Variants in AGBL1 observed in about 807,000 individuals in gnomAD.
The protein encoded by AGBL1 is cytosolic carboxypeptidase 4.
In AGBL1, 130 loss-of-function variants were observed where a neutral mutation model predicts 118.9. That is an observed-to-expected ratio of 1.09 (90% CI 0.95 to 1.26). The LOEUF (loss-of-function observed/expected upper bound fraction) is 1.26. AGBL1 is among the 50% of genes most tolerant of loss of function. The pLI is 0.00. For missense variants in AGBL1, 1,584 were observed against 1,298.1 expected, an observed-to-expected ratio of 1.22 and a Z score of -3.38; for synonymous variants, 555 against 478.9, an observed-to-expected ratio of 1.16 and a Z score of -2.08.
rs57241299 is a variant in AGBL1 at position 86,956,217 on chromosome 15, TTAGATAGATAGA to T, written c.3222-31736_3222-31725del. ...TATAGATAGGTAGATAGATGATTGATTAGATAGATAGATAGATAGATAGATAGATAGATAGAT... is the reference window on the plus strand; with the variant it reads ...TATAGATAGGTAGATAGATGATTGATTAGATAGATAGATAGATAGATAGAT... On this transcript the variant is annotated intron_variant, in intron 23 of 24. Transcript: ENST00000441037. Among the ~76,000 whole-genome samples the T allele has an allele frequency of 6.9e-3, 1,024 of 147,702 alleles. 6 individuals are homozygous for T. Among genetic ancestry groups the T allele is most frequent in the African/African-American group, 0.021 (850 of 39,986 alleles).
At chr15:86,774,952 C>A (rs1350773993) in intron 22 of AGBL1, among the ~76,000 whole-genome samples, 1 of 152,056 alleles carries the variant, frequency 6.6e-6, no homozygotes, top group Non-Finnish European at 1.5e-5. Context: ...AAAGTTTTAA[C>A]TGGAAAGGAA....
At chr15:86,586,513 A>G (rs1362359774) in intron 21 of AGBL1, among the ~76,000 whole-genome samples, 1 of 152,152 alleles carries the variant, frequency 6.6e-6, no homozygotes, top group African/African-American at 2.4e-5. Context: ...GAGCGTAATG[A>G]TGGCAGAAAA....
intron 23 of AGBL1, among the ~76,000 whole-genome samples, chr15:86,945,365 T>C (rs1026396650): frequency 1.3e-5 from 2 of 150,970 alleles, no homozygotes; most frequent in African/African-American, 2.4e-5. Flanking sequence ...TGGGTGGTAG[T>C]AGAAAAGATA....
chr15:86,421,510 G>A (rs1489327356), intron 18 of AGBL1, among the ~76,000 whole-genome samples: 3 of 152,092 alleles, frequency 2.0e-5, no homozygotes, highest in Admixed American at 2.0e-4. Flanking sequence ...ATACCAAAAG[G>A]TAAAGAACAT....
At chr15:86,333,675 C>T (rs907251355) in intron 17 of AGBL1, among the ~76,000 whole-genome samples, 1 of 152,126 alleles carries the variant, frequency 6.6e-6, no homozygotes, top group African/African-American at 2.4e-5. Flanking sequence ...TCCTTCCTAA[C>T]TTATTCTATG....
At chr15:86,653,979 T>C (rs1307046404) in intron 21 of AGBL1, among the ~76,000 whole-genome samples, 1 of 152,144 alleles carries the variant, frequency 6.6e-6, no homozygotes, top group African/African-American at 2.4e-5. Flanking sequence ...ATGTGAGTAG[T>C]TTGATAAAAA....
intron 5 of AGBL1, among the ~76,000 whole-genome samples, chr15:86,198,165 G>A (rs750232942): frequency 4.6e-5 from 7 of 152,182 alleles, no homozygotes; most frequent in Non-Finnish European, 2.9e-5. Context: ...GAACATGCTT[G>A]GGACTTGTCA....
chr15:86,174,969 T>C (rs1296548558), intron 5 of AGBL1, among the ~76,000 whole-genome samples: 1 of 152,154 alleles, frequency 6.6e-6, no homozygotes, highest in Non-Finnish European at 1.5e-5. Flanking sequence ...AGGTTTCTTT[T>C]TTTGTTGTAT....
intron 22 of AGBL1, among the ~76,000 whole-genome samples, chr15:86,806,435 C>T (rs138580931): frequency 1.3e-5 from 2 of 152,208 alleles, no homozygotes; most frequent in East Asian, 1.9e-4. Flanking sequence ...ACAGTTAATG[C>T]CATATGAAAT....
chr15:86,755,676 C>A (rs1164679676), intron 22 of AGBL1, among the ~76,000 whole-genome samples: 5 of 152,114 alleles, frequency 3.3e-5, no homozygotes, highest in Admixed American at 6.6e-5. Context: ...TCCTGTGCCT[C>A]TGTTCCTTCA....
chr15:86,289,013 T>G (rs2079501781), intron 16 of AGBL1, among the ~76,000 whole-genome samples: 1 of 152,180 alleles, frequency 6.6e-6, no homozygotes, highest in Non-Finnish European at 1.5e-5. Flanking sequence ...TGCTTTAATT[T>G]ATGTTTGCTT....
chr15:86,168,746 G>A (rs1293555177), intron 5 of AGBL1, among the ~76,000 whole-genome samples: 1 of 152,130 alleles, frequency 6.6e-6, no homozygotes, highest in East Asian at 1.9e-4. Context: ...AGCAGCATAT[G>A]AATGTCCATT....
Position 86,522,803 on chromosome 15 carries a change from C to T in AGBL1, c.2556-7C>T, listed in dbSNP as rs374110738. The T allele has an allele frequency of 1.2e-5, 20 of 1,613,130 alleles. No individual in the cohort carries two copies. The East Asian group carries it at 2.2e-4, about 18-fold the overall frequency. On this transcript the variant is annotated splice_region_variant and splice_polypyrimidine_tract_variant and intron_variant, in intron 18 of 22. Coordinates refer to ENST00000614907, the MANE Select transcript of AGBL1 (RefSeq NM_001386094.1). ...TGTATTTATTTGCTTATTATTTGTT[C>T]CTGTAGCCACAGATGCTCACTGAGC...
chr15:86,566,081 G>C (rs1039263338), intron 21 of AGBL1, among the ~76,000 whole-genome samples: 2 of 149,162 alleles, frequency 1.3e-5, no homozygotes, highest in African/African-American at 5.0e-5. Context: ...CACTTCCCAG[G>C]TGAGGTGATG....
chr15:86,722,588 T>C (rs1419388734), intron 22 of AGBL1, among the ~76,000 whole-genome samples: 1 of 152,180 alleles, frequency 6.6e-6, no homozygotes, highest in African/African-American at 2.4e-5. Flanking sequence ...ATTCAGGACA[T>C]AGGCATGGGC....
intron 23 of AGBL1, among the ~76,000 whole-genome samples, chr15:86,979,945 T>C (rs1300642269): frequency 2.6e-5 from 4 of 152,194 alleles, no homozygotes; most frequent in African/African-American, 4.8e-5. Flanking sequence ...TGGGATCCAC[T>C]AAGAGACTTT....
intron 1 of AGBL1, among the ~76,000 whole-genome samples, chr15:86,093,132 G>A (rs537015908): frequency 9.4e-4 from 143 of 152,096 alleles, no homozygotes; most frequent in Non-Finnish European, 1.7e-3. Flanking sequence ...TCCACTCCCT[G>A]CTTTAGGGCT....
At chr15:86,424,788 A>G (rs533148757) in intron 18 of AGBL1, among the ~76,000 whole-genome samples, 2 of 152,368 alleles carry the variant, frequency 1.3e-5, no homozygotes, top group South Asian at 4.1e-4. Context: ...CATATGAAGA[A>G]AAGCTCATCA....
At chr15:86,940,774 A>T (rs1347910197) in intron 23 of AGBL1, among the ~76,000 whole-genome samples, 1 of 152,174 alleles carries the variant, frequency 6.6e-6, no homozygotes, top group African/African-American at 2.4e-5. Context: ...TCTTAAACAA[A>T]AAGTAACCTG....
Sources: allele counts gnomAD v4.1 joint callset (sites outside exome capture counted in the v4.1 genomes callset), GRCh38; gene constraint gnomAD v4.1.1; transcripts MANE v1.5; gene names NCBI Gene and HGNC (gene_info 2026-07-23, HGNC 2026-07-21).